PDE8B: variants seen among roughly 807,000 people sequenced by gnomAD.
PDE8B encodes phosphodiesterase 8B.
PDE8B carries 26 observed loss-of-function variants against 101.3 expected under a neutral mutation model. That is an observed-to-expected ratio of 0.26 (90% CI 0.19 to 0.36). PDE8B has a LOEUF of 0.36. Among genes scored for constraint, PDE8B ranks in the 10% least tolerant of loss-of-function variants. The pLI, the probability that PDE8B is intolerant of heterozygous loss-of-function variation, is 1.00. For synonymous variants in PDE8B, 424 were observed against 429.3 expected (o/e 0.99, Z 0.15); for missense variants, 810 against 1,163.1 (o/e 0.70, Z 4.42).
At chr5:77,335,566 A>T (rs4704407) in intron 5 of PDE8B, among the ~76,000 whole-genome samples, 84 of 73,312 alleles carry the variant, frequency 1.1e-3, no homozygotes, top group South Asian at 5.5e-3. Flanking sequence ...TGTGTGTGTG[A>T]GAGAGAGAGG....
chr5:77,105,540 C>G, the PDE8B span: 3 of 152,078 alleles, frequency 2.0e-5, no homozygotes, highest in Non-Finnish European at 4.4e-5. Context: ...CTTACGATGG[C>G]TTTATTGGGA....
intron 2 of PDE8B, among the ~76,000 whole-genome samples, chr5:77,314,737 A>T (rs1424867955): frequency 6.6e-6 from 1 of 151,988 alleles, no homozygotes; most frequent in African/African-American, 2.4e-5. Context: ...CTCCAGAACA[A>T]TGGTGTGTTT....
chr5:77,366,266 C>T (rs1342826319), intron 10 of PDE8B, among the ~76,000 whole-genome samples: 4 of 152,148 alleles, frequency 2.6e-5, no homozygotes, highest in African/African-American at 9.7e-5. Context: ...AGATCATCGT[C>T]CCTGCGACGC....
At chr5:77,158,589 T>C in the PDE8B span, among the ~76,000 whole-genome samples, 1 of 152,186 alleles carries the variant, frequency 6.6e-6, no homozygotes, top group Non-Finnish European at 1.5e-5. Context: ...TCTGGAGCTC[T>C]GAGTGCCTGT....
chr5:77,237,531 A>C (rs1408645798), intron 1 of PDE8B, among the ~76,000 whole-genome samples: 1 of 152,128 alleles, frequency 6.6e-6, no homozygotes, highest in Non-Finnish European at 1.5e-5. Flanking sequence ...TTTTTTATCC[A>C]ATCTTCTTCA....
At chr5:77,164,964 A>T in the PDE8B span, among the ~76,000 whole-genome samples, 1 of 152,204 alleles carries the variant, frequency 6.6e-6, no homozygotes, top group Non-Finnish European at 1.5e-5. Flanking sequence ...ACAGGTCAAA[A>T]TAGTGGTATA....
At chr5:77,279,259 C>T (rs899159311) in intron 1 of PDE8B, among the ~76,000 whole-genome samples, 5 of 152,178 alleles carry the variant, frequency 3.3e-5, no homozygotes, top group African/African-American at 1.2e-4. Flanking sequence ...TTTTTTATTA[C>T]ATTTACAGAA....
At chr5:77,197,109 C>CTTT in the PDE8B span, among the ~76,000 whole-genome samples, 114 of 94,668 alleles carry the variant, frequency 1.2e-3, 2 homozygotes, top group Admixed American at 2.8e-3. Context: ...TTAAAAAAAA[C>CTTT]TTTTTTTTTT....
At chr5:77,263,392 G>A (rs763553304) in intron 1 of PDE8B, among the ~76,000 whole-genome samples, 9 of 152,100 alleles carry the variant, frequency 5.9e-5, no homozygotes, top group African/African-American at 1.9e-4. Context: ...GGATCATATC[G>A]AAGTAAATAA....
At chr5:77,318,077 A>T (rs1309477872) in intron 2 of PDE8B, among the ~76,000 whole-genome samples, 1 of 149,442 alleles carries the variant, frequency 6.7e-6, no homozygotes, top group African/African-American at 2.5e-5. Flanking sequence ...AAAAAAAAAA[A>T]CACAACAACA....
the PDE8B span, among the ~76,000 whole-genome samples, chr5:77,143,159 G>A: frequency 4.6e-5 from 7 of 152,082 alleles, no homozygotes; most frequent in Non-Finnish European, 7.4e-5. Context: ...CCCTATGTGC[G>A]GCTCCCTGAT....
chr5:77,370,009 A>G (rs905274559), intron 10 of PDE8B, among the ~76,000 whole-genome samples: 6 of 152,220 alleles, frequency 3.9e-5, no homozygotes, highest in Admixed American at 2.6e-4. Context: ...ATTTTACTAT[A>G]TTTGCATTAT....
chr5:77,298,217 T>G (rs832788), intron 1 of PDE8B, among the ~76,000 whole-genome samples: 28,304 of 152,160 alleles, frequency 0.19, 2,754 homozygotes, highest in Non-Finnish European at 0.21. Flanking sequence ...CTGAAAAGTA[T>G]AGGGTCTGGA....
intron 1 of PDE8B, among the ~76,000 whole-genome samples, chr5:77,236,089 T>G (rs1754624442): frequency 6.6e-6 from 1 of 152,222 alleles, no homozygotes; most frequent in Non-Finnish European, 1.5e-5. Flanking sequence ...AGATAACTTT[T>G]GAGATAAGAC....
the PDE8B span, among the ~76,000 whole-genome samples, chr5:77,124,640 A>C: frequency 6.6e-6 from 1 of 152,142 alleles, no homozygotes; most frequent in Non-Finnish European, 1.5e-5. Flanking sequence ...AAGAGATGAA[A>C]GGACGTGAAA....
chr5:77,242,095 T>G (rs1203625759), intron 1 of PDE8B, among the ~76,000 whole-genome samples: 2 of 152,210 alleles, frequency 1.3e-5, no homozygotes, highest in African/African-American at 4.8e-5. Context: ...TTAATGCAAT[T>G]ATAAAACCTG....
chr5:77,250,065 T>A (rs1757767741), intron 1 of PDE8B, among the ~76,000 whole-genome samples: 1 of 152,170 alleles, frequency 6.6e-6, no homozygotes, highest in Admixed American at 6.5e-5. Flanking sequence ...AAGACTAAGA[T>A]CTAAAAGGAA....
At chr5:77,111,529 T>C in the PDE8B span, among the ~76,000 whole-genome samples, 2 of 152,328 alleles carry the variant, frequency 1.3e-5, no homozygotes, top group South Asian at 4.1e-4. Flanking sequence ...AAAGCAGGTC[T>C]TATGAAATAA....
chr5:77,399,222 A>G (rs1416132950), intron 10 of PDE8B, among the ~76,000 whole-genome samples: 3 of 152,236 alleles, frequency 2.0e-5, no homozygotes, highest in African/African-American at 4.8e-5. Context: ...CGGTAAGTAC[A>G]TGCTCTTCTT....
Sources: allele counts gnomAD v4.1 joint callset (sites outside exome capture counted in the v4.1 genomes callset), GRCh38; gene constraint gnomAD v4.1.1; transcripts MANE v1.5; gene names NCBI Gene and HGNC (gene_info 2026-07-23, HGNC 2026-07-21).